The following TCF7L2 variants were observed in gnomAD, a reference collection of about 807,000 sequenced individuals.
TCF7L2 encodes the protein transcription factor 7 like 2, also known as transcription factor 7-like 2.
A neutral mutation model predicts 77.9 loss-of-function variants in TCF7L2; 23 were observed. The observed-to-expected ratio is 0.30, with a 90% confidence interval of 0.21 to 0.42. The LOEUF is 0.42. Among genes scored for constraint, TCF7L2 ranks in the 10% least tolerant of loss-of-function variants. The pLI is 1.00. For synonymous variants in TCF7L2, 413 were observed against 340.2 expected (o/e 1.21, Z -2.36); for missense variants, 654 against 793.1 (o/e 0.82, Z 2.11).
At chr10:112,993,619 C>A (rs960983797) in intron 4 of TCF7L2, among the ~76,000 whole-genome samples, 1 of 152,166 alleles carries the variant, frequency 6.6e-6, no homozygotes, top group Non-Finnish European at 1.5e-5. Context: ...CTGGGCTTAT[C>A]GTTATCTGTA....
chr10:113,025,218 ATTTTT>A (rs35779425), intron 4 of TCF7L2, among the ~76,000 whole-genome samples: 2 of 98,980 alleles, frequency 2.0e-5, no homozygotes, highest in Admixed American at 1.1e-4. Context: ...CTGTGACTGG[ATTTTT>A]TTTTTTTTTT....
chr10:113,151,921 G>C lies in TCF7L2; in HGVS notation c.1161+37G>C. On this transcript the variant is annotated intron_variant, in intron 10 of 13. Coordinates refer to ENST00000627217, the MANE Select transcript of TCF7L2 (RefSeq NM_001146274.2). The surrounding 1 kb of genome is among the most constrained non-coding windows in gnomAD (Gnocchi z 5.2). Reference sequence around the variant, plus strand: ...CCTTCTCAGGGAGAAGCGGGGGGCGGGTGGTGAGGGACCAGAGTGCAGCAG... The same window carrying C: ...CCTTCTCAGGGAGAAGCGGGGGGCGCGTGGTGAGGGACCAGAGTGCAGCAG... 1.3e-6 allele frequency: 2 copies of C among 1,571,778 alleles called. No individual in the cohort carries two copies. The highest frequency in any genetic ancestry group is 1.7e-6 in the Non-Finnish European group (2 of 1,164,726).
intron 4 of TCF7L2, among the ~76,000 whole-genome samples, chr10:112,966,837 C>A (rs34210369): frequency 1.3e-5 from 2 of 152,158 alleles, no homozygotes; most frequent in Non-Finnish European, 2.9e-5. Flanking sequence ...GGACTGAAAC[C>A]ATTACTATTC....
intron 5 of TCF7L2, among the ~76,000 whole-genome samples, chr10:113,059,412 C>CAA (rs2056037272): frequency 6.6e-6 from 1 of 151,596 alleles, no homozygotes; most frequent in African/African-American, 2.4e-5. Flanking sequence ...CTTTTCTTGG[C>CAA]AAAGTGTTCC....
At position 112,950,894 on chromosome 10, in the gene TCF7L2, G is replaced by C. The variant is rs2134178540; in HGVS notation, c.138G>C (p.Ser46=). ...AGAGGGATTTAGCTGATGTCAAATC[G>C]TCTCTAGTCAATGAATCAGAAACGA... The change falls in exon 1 of 14, where the codon TCG becomes TCC. Residue 46 remains serine (S), a synonymous_variant. Coordinates refer to ENST00000627217, the MANE Select transcript of TCF7L2 (RefSeq NM_001146274.2). 6 of 1,612,412 alleles carry C rather than the reference G, an allele frequency of 3.7e-6. No individual in the cohort carries two copies. The highest frequency in any genetic ancestry group is 4.2e-6 in the Non-Finnish European group (5 of 1,179,490).
intron 5 of TCF7L2, among the ~76,000 whole-genome samples, chr10:113,135,174 A>C (rs983429772): frequency 6.6e-6 from 1 of 152,196 alleles, no homozygotes; most frequent in Non-Finnish European, 1.5e-5. Flanking sequence ...CCAAATGAGG[A>C]ACAGCGTCTG....
chr10:112,978,761 G>A (rs539771434), intron 4 of TCF7L2, among the ~76,000 whole-genome samples: 205 of 151,462 alleles, frequency 1.4e-3, no homozygotes, highest in African/African-American at 4.7e-3. Context: ...TTATAGGTGT[G>A]AGCCACCGCG....
intron 4 of TCF7L2, among the ~76,000 whole-genome samples, chr10:112,971,459 C>T (rs1458835887): frequency 2.0e-5 from 3 of 152,054 alleles, no homozygotes; most frequent in Non-Finnish European, 2.9e-5. Flanking sequence ...CAGGTGTGCA[C>T]CACCACACCT....
At chr10:113,017,040 C>T (rs1438567955) in intron 4 of TCF7L2, among the ~76,000 whole-genome samples, 2 of 152,124 alleles carry the variant, frequency 1.3e-5, no homozygotes, top group South Asian at 2.1e-4. Flanking sequence ...TTTGTACCAG[C>T]GATATCTCTT....
Position 113,032,952 on chromosome 10 carries a change from TGATAGA to T in TCF7L2, c.451-7066_451-7061del, listed in dbSNP as rs2050497851. ...CATTGAAAATCTTATAACAACCAAC[TGATAGA>T]GATAGAAGATAAGGCTATTAAATTG... On this transcript the variant is annotated intron_variant, in intron 4 of 13. Coordinates refer to ENST00000627217, the MANE Select transcript of TCF7L2 (RefSeq NM_001146274.2). 4.6e-5 allele frequency among the ~76,000 whole-genome samples: 7 copies of T among 152,310 alleles called. No homozygotes were observed. In the South Asian group the frequency reaches 1.5e-3, roughly 32 times the overall value.
At chr10:113,050,547 CAG>C in intron 5 of TCF7L2, among the ~76,000 whole-genome samples, 1 of 152,262 alleles carries the variant, frequency 6.6e-6, no homozygotes, top group South Asian at 2.1e-4. Flanking sequence ...AGTCCCAAAA[CAG>C]TGTCTTGTAA....
intron 4 of TCF7L2, among the ~76,000 whole-genome samples, chr10:112,987,210 TAG>T (rs758162108): frequency 2.6e-5 from 4 of 152,206 alleles, no homozygotes; most frequent in Non-Finnish European, 5.9e-5. Context: ...AGCTTGACTG[TAG>T]AGTTAGACCT....
rs1222736518 is a variant in TCF7L2 at position 113,118,057 on chromosome 10, C to T, written c.553-23127C>T. On this transcript the variant is annotated intron_variant, in intron 5 of 13. Transcript: ENST00000627217. The stretch of plus-strand genomic sequence containing the variant: ...AAGTTTTTTTTGGTGCTGTGTTTTT[C>T]GGTCCATTTCCAACCATTTCCAGGA... 2.0e-5 allele frequency among the ~76,000 whole-genome samples: 3 copies of T among 150,022 alleles called. No homozygotes were observed. The East Asian group carries it at 5.9e-4, about 30-fold the overall frequency.
rs979690249 is a variant in TCF7L2, at chr10:113,010,032, G to A, written c.451-29993G>A. Among the ~76,000 whole-genome samples, 20 of 151,868 alleles carry A rather than the reference G, an allele frequency of 1.3e-4. No homozygotes were observed. In the South Asian group the frequency reaches 1.5e-3, roughly 11 times the overall value. On this transcript the variant is annotated intron_variant, in intron 4 of 13. Coordinates refer to ENST00000627217, the MANE Select transcript of TCF7L2 (RefSeq NM_001146274.2). ...CTATGGGTGCTGTTTTCATTGTTCC[G>A]TTATCTAGTTGGCTGGAACACACCT...
At chr10:112,985,595 C>A (rs971108841) in intron 4 of TCF7L2, among the ~76,000 whole-genome samples, 1 of 152,150 alleles carries the variant, frequency 6.6e-6, no homozygotes, top group Non-Finnish European at 1.5e-5. Flanking sequence ...GATTTCAATT[C>A]TTGATCCCCT....
chr10:112,954,928 C>T (rs1460673162), intron 3 of TCF7L2, among the ~76,000 whole-genome samples: 1 of 152,114 alleles, frequency 6.6e-6, no homozygotes, highest in Non-Finnish European at 1.5e-5. Context: ...TAAAGGAAAC[C>T]GAGAGGGGCC....
At chr10:113,039,332 G>A (rs7081912) in intron 4 of TCF7L2, among the ~76,000 whole-genome samples, 8,013 of 152,228 alleles carry the variant, frequency 0.053, 672 homozygotes, top group African/African-American at 0.18. Context: ...AGACAGAATT[G>A]ATGTACACCT....
intron 3 of TCF7L2, among the ~76,000 whole-genome samples, chr10:112,956,011 C>T (rs949658933): frequency 1.3e-5 from 2 of 151,560 alleles, no homozygotes; most frequent in Admixed American, 6.6e-5. Flanking sequence ...AATCCTGGTG[C>T]AACTTCTCTT....
At chr10:113,009,639 A>T (rs2046124727) in intron 4 of TCF7L2, among the ~76,000 whole-genome samples, 1 of 152,174 alleles carries the variant, frequency 6.6e-6, no homozygotes, top group Non-Finnish European at 1.5e-5. Flanking sequence ...TGCTTGCCCT[A>T]ACCCTCTTGA....
Sources: allele counts gnomAD v4.1 joint callset (sites outside exome capture counted in the v4.1 genomes callset), GRCh38; gene constraint gnomAD v4.1.1; non-coding constraint Gnocchi (gnomAD v3.1); transcripts MANE v1.5; gene names NCBI Gene and HGNC (gene_info 2026-07-23, HGNC 2026-07-21).